Variants in TMEM132B observed in about 807,000 individuals in gnomAD.
TMEM132B encodes transmembrane protein 132B.
A neutral mutation model predicts 90.8 loss-of-function variants in TMEM132B; 18 were observed. The observed-to-expected ratio is 0.20, with a 90% confidence interval of 0.14 to 0.29. The LOEUF (loss-of-function observed/expected upper bound fraction) is 0.29, where lower values mean the gene tolerates loss of function less well. TMEM132B is among the 10% of genes least tolerant of loss of function. The pLI is 1.00. For synonymous variants in TMEM132B, 504 were observed against 523.3 expected (o/e 0.96, Z 0.50); for missense variants, 1,096 against 1,326.8 (o/e 0.83, Z 2.70).
At chr12:125,188,525 G>T (rs1264327566) in intron 1 of TMEM132B, among the ~76,000 whole-genome samples, 4 of 151,626 alleles carry the variant, frequency 2.6e-5, no homozygotes, top group Non-Finnish European at 5.9e-5. Context: ...GAATAGGATG[G>T]TCCCCCTACC....
At chr12:125,531,376 A>C (rs1883643395) in intron 4 of TMEM132B, among the ~76,000 whole-genome samples, 1 of 152,064 alleles carries the variant, frequency 6.6e-6, no homozygotes, top group Admixed American at 6.5e-5. Context: ...TTTTGTAGAG[A>C]CAAAGTCTCA....
intron 3 of TMEM132B, among the ~76,000 whole-genome samples, chr12:125,432,526 T>TAGAGAGAGAGAGAG (rs1257848953): frequency 3.4e-5 from 2 of 58,432 alleles, no homozygotes; most frequent in Non-Finnish European, 6.8e-5. Flanking sequence ...TATATATATA[T>TAGAGAGAGAGAGAG]ATAGAGAGAG....
chr12:125,256,279 A>T (rs553680996), intron 1 of TMEM132B, among the ~76,000 whole-genome samples: 2 of 152,232 alleles, frequency 1.3e-5, no homozygotes, highest in South Asian at 2.1e-4. Flanking sequence ...CAGGATTCAT[A>T]TATTTTTAAT....
At position 125,216,985 on chromosome 12, in the gene TMEM132B, C is replaced by T. The variant is rs1230112473; in HGVS notation, c.67+30119C>T. On this transcript the variant is annotated intron_variant, in intron 1 of 8. Transcript: ENST00000682704. ...CGTCAGGCCCTGAGCCACTCGGCCG[C>T]GCAGATGCCTTCCCTGTATGCACTG... Among the ~76,000 whole-genome samples the T allele has an allele frequency of 4.6e-5, 7 of 152,368 alleles. No homozygotes were observed. In the East Asian group the frequency reaches 1.2e-3, roughly 25 times the overall value.
chr12:125,433,092 G>T (rs934392253), intron 3 of TMEM132B, among the ~76,000 whole-genome samples: 5 of 152,316 alleles, frequency 3.3e-5, no homozygotes, highest in Admixed American at 1.3e-4. Flanking sequence ...CGTGCCCCAC[G>T]CTGTGCATGG....
At chr12:125,385,425 G>A (rs1878802251) in intron 2 of TMEM132B, among the ~76,000 whole-genome samples, 1 of 152,136 alleles carries the variant, frequency 6.6e-6, no homozygotes, top group Admixed American at 6.5e-5. Flanking sequence ...GTTTCACATC[G>A]TGCCAAGGAG....
chr12:125,325,194 T>C (rs1876527449), intron 1 of TMEM132B, among the ~76,000 whole-genome samples: 1 of 152,106 alleles, frequency 6.6e-6, no homozygotes, highest in Non-Finnish European at 1.5e-5. Context: ...CCAGAACATA[T>C]GGGTAAGGTA....
At chr12:125,197,450 C>T (rs1872950125) in intron 1 of TMEM132B, among the ~76,000 whole-genome samples, 1 of 152,182 alleles carries the variant, frequency 6.6e-6, no homozygotes, top group Non-Finnish European at 1.5e-5. Context: ...TTGTTATTTT[C>T]TGTACCCTTT....
chr12:125,187,233 T>C (rs890041142), intron 1 of TMEM132B, among the ~76,000 whole-genome samples: 2 of 152,164 alleles, frequency 1.3e-5, no homozygotes, highest in African/African-American at 4.8e-5. Flanking sequence ...GGGGTTTTGC[T>C]GGGCGGGGGC....
At position 125,315,104 on chromosome 12, in the gene TMEM132B, A is replaced by G. The variant is rs372084155; in HGVS notation, c.68-34348A>G. ...ATGCCAGGAACCAGGCAGCTTATGC[A>G]CAGAAGGAAGTAGGTTAGGGGTTAG... On this transcript the variant is annotated intron_variant, in intron 1 of 8. Coordinates refer to ENST00000682704, the MANE Select transcript of TMEM132B (RefSeq NM_001366854.1). Among the ~76,000 whole-genome samples, 18 of 152,382 alleles carry G rather than the reference A, an allele frequency of 1.2e-4. No individual in the cohort carries two copies. The East Asian group carries it at 2.5e-3, about 21-fold the overall frequency.
In TMEM132B at chr12:125,447,437, C is replaced by T. The variant is rs140318386; in HGVS notation, c.1106+31760C>T. On this transcript the variant is annotated intron_variant, in intron 3 of 8. Coordinates refer to ENST00000682704, the MANE Select transcript of TMEM132B (RefSeq NM_001366854.1). ...ATCTAATATTATTTGATAACTTTAC[C>T]ACATATCCAGACAATTCCTTATAAT... is the stretch of plus-strand genomic sequence containing the variant. 2.6e-3 allele frequency among the ~76,000 whole-genome samples: 401 copies of T among 152,142 alleles called. 2 individuals are homozygous for T. The highest frequency in any genetic ancestry group is 8.8e-3 in the African/African-American group (366 of 41,520).
intron 5 of TMEM132B, among the ~76,000 whole-genome samples, chr12:125,624,489 G>C (rs1164463185): frequency 1.3e-5 from 2 of 152,208 alleles, no homozygotes; most frequent in Non-Finnish European, 2.9e-5. Flanking sequence ...TAAGGGCAGA[G>C]AAGTGTTAAC....
intron 4 of TMEM132B, among the ~76,000 whole-genome samples, chr12:125,569,480 T>C (rs1884739012): frequency 6.6e-6 from 1 of 152,026 alleles, no homozygotes; most frequent in Admixed American, 6.6e-5. Flanking sequence ...GCTGGTAAGG[T>C]GAAACATTTG....
intron 2 of TMEM132B, among the ~76,000 whole-genome samples, chr12:125,352,989 TA>T (rs1043572047): frequency 3.3e-5 from 5 of 152,242 alleles, no homozygotes; most frequent in Non-Finnish European, 5.9e-5. Flanking sequence ...TGGGGTGGTC[TA>T]AAACCAGTTC....
At chr12:125,319,044 C>T (rs113949080) in intron 1 of TMEM132B, among the ~76,000 whole-genome samples, 54 of 152,278 alleles carry the variant, frequency 3.5e-4, no homozygotes, top group African/African-American at 1.2e-3. Flanking sequence ...GGGCAGGTGG[C>T]CCAGTGGTAA....
intron 1 of TMEM132B, among the ~76,000 whole-genome samples, chr12:125,241,980 T>C (rs973797692): frequency 9.9e-5 from 15 of 152,164 alleles, no homozygotes; most frequent in African/African-American, 3.6e-4. Context: ...TGGTTTGAAG[T>C]TCTGTCCCAG....
intron 1 of TMEM132B, among the ~76,000 whole-genome samples, chr12:125,278,268 A>G (rs1185639173): frequency 6.6e-6 from 1 of 152,224 alleles, no homozygotes. Context: ...AATAGAAACC[A>G]TTTGGCCTGT....
chr12:125,623,536 A>T (rs1029346313), intron 5 of TMEM132B, among the ~76,000 whole-genome samples: 19 of 152,154 alleles, frequency 1.2e-4, no homozygotes, highest in Non-Finnish European at 2.6e-4. Context: ...AGGTCAGGTT[A>T]TGGGGGTCAT....
intron 5 of TMEM132B, among the ~76,000 whole-genome samples, chr12:125,594,462 T>C (rs73416388): frequency 0.02 from 3,032 of 152,310 alleles, 99 homozygotes; most frequent in African/African-American, 0.068. Flanking sequence ...GCCAAACTGT[T>C]TTCTAAAGTG....
Sources: allele counts gnomAD v4.1 joint callset (sites outside exome capture counted in the v4.1 genomes callset), GRCh38; gene constraint gnomAD v4.1.1; transcripts MANE v1.5; gene names NCBI Gene and HGNC (gene_info 2026-07-23, HGNC 2026-07-21).